The following MYO1C variants were observed in gnomAD, a reference collection of about 807,000 sequenced individuals.
MYO1C encodes unconventional myosin-Ic.
MYO1C carries 104 observed loss-of-function variants against 150.8 expected under a neutral mutation model. The ratio of observed to expected loss-of-function variants is 0.69; its 90% CI spans 0.59 to 0.81. The LOEUF (loss-of-function observed/expected upper bound fraction) is 0.81. Ranked by LOEUF, MYO1C falls within the 30% of genes least tolerant of loss-of-function variation. MYO1C has a pLI of 0.00. For missense variants in MYO1C, 1,504 were observed against 1,435.0 expected (o/e 1.05, Z -0.78); for synonymous variants, 663 against 579.9 (o/e 1.14, Z -2.06).
At chr17:1,485,807 C>T (rs533955734) in intron 1 of MYO1C, 9 of 672,514 alleles carry the variant, frequency 1.3e-5, no homozygotes, top group African/African-American at 3.9e-5. Flanking sequence ...GGGCCCGCCC[C>T]CCGCACCGCC....
At chr17:1,471,366 C>T (rs1052410599) in intron 19 of MYO1C, 30 bp from the exon 20 acceptor site, 63 of 1,597,442 alleles carry the variant, frequency 3.9e-5, no homozygotes, top group Non-Finnish European at 4.5e-5. Flanking sequence ...CGGCTCCCAC[C>T]CCAGTCAGCA....
intron 17 of MYO1C, among the ~76,000 whole-genome samples, chr17:1,472,793 A>C (rs1460003603): frequency 1.3e-5 from 2 of 152,138 alleles, no homozygotes; most frequent in Admixed American, 6.5e-5. Flanking sequence ...GCTGAGCTTT[A>C]AAGGATAAGG....
Position 1,470,341 on chromosome 17 carries a change from T to TG in MYO1C, c.2367-8dup, listed in dbSNP as rs1421638156. On this transcript the variant is annotated splice_region_variant and splice_polypyrimidine_tract_variant and intron_variant, in intron 23 of 31. Transcript: ENST00000648651. ...GACGAAGCCTCGGATGAGCCTGGGG[T>TG]GGGGGGCCAGACAGGGTTGGGGGTG... 5 of 905,220 alleles carry TG rather than the reference T, an allele frequency of 5.5e-6. No homozygotes were observed. Among genetic ancestry groups the TG allele is most frequent in the Non-Finnish European group, 6.1e-6 (4 of 658,294 alleles). The allele number at this position is 905,220 out of a possible 1,614,324, so 56.1% of individuals were successfully genotyped here.
rs138414939 is a variant in MYO1C, at chr17:1,471,132, G to A, written c.2151C>T (p.Ile717=). The change falls in exon 21 of 32, where the codon ATC becomes ATT. Residue 717 remains isoleucine (I), a synonymous_variant. Transcript: ENST00000648651. ...TGGCAAACAGGGTCTTGGGGAAGCGGATGAAGATCTTGGTCCTGGGAGAGC... is the reference window on the plus strand; with the variant it reads ...TGGCAAACAGGGTCTTGGGGAAGCGAATGAAGATCTTGGTCCTGGGAGAGC... ...EYKMGRTKIF[I]RFPKTLFATE... 4.0e-5 allele frequency: 64 copies of A among 1,614,046 alleles called. No individual in the cohort carries two copies. The African/African-American group carries it at 7.7e-4, about 20-fold the overall frequency.
chr17:1,471,567 C>A (rs1376664348), intron 19 of MYO1C, among the ~76,000 whole-genome samples: 1 of 152,216 alleles, frequency 6.6e-6, no homozygotes, highest in Non-Finnish European at 1.5e-5. Context: ...CCCCAGGCCC[C>A]CGACTCAGAA....
rs149016718 is a variant in MYO1C, at chr17:1,483,033, C to A, written c.374G>T (p.Arg125Leu). Residue 125 changes from arginine (R) to leucine (L), a missense_variant, in exon 4 of 32, where the codon CGA (arginine) becomes CTA (leucine). Physicochemically the swap from Arg to Leu is moderately radical, Grantham distance 102 (BLOSUM62 -2). Transcript: ENST00000648651. Reference protein sequence around the residue: ...HLFAVADTVYRALRTERRDQA... With the variant: ...HLFAVADTVYLALRTERRDQA... ...GTCCCGACGCTCCGTGCGCAGTGCT[C>A]GGTACACAGTGTCCGCCACGGCAAA... The A allele has an allele frequency of 3.7e-6, 6 of 1,610,782 alleles. No individual in the cohort carries two copies. The highest frequency in any genetic ancestry group is 2.2e-5 in the South Asian group (2 of 90,704).
Position 1,468,049 on chromosome 17 carries a change from G to A in MYO1C, c.2835C>T (p.Asn945=), listed in dbSNP as rs141221746. The change falls in exon 28 of 32, where the codon AAC becomes AAT. Residue 945 remains asparagine, a synonymous_variant. Transcript: ENST00000648651. ...PRSRQLLLTP[N]AVVIVEDAKV... is the part of the protein sequence containing the mutation. ...TGGCGTCCTCCACGATGACGACGGC[G>A]TTGGGCGTGAGCAGCAGCTGCCGGG... 2.4e-5 allele frequency: 39 copies of A among 1,613,248 alleles called. No homozygotes were observed. The highest frequency in any genetic ancestry group is 1.3e-4 in the African/African-American group (10 of 74,756).
chr17:1,464,807 A>C lies in MYO1C; in HGVS notation c.*919T>G, dbSNP rs2074137539. 7.4e-6 allele frequency: 1 copy of C among 135,290 alleles called. No homozygotes were observed. Among genetic ancestry groups the C allele is most frequent in the African/African-American group, 2.8e-5 (1 of 35,702 alleles). The allele number at this position is 135,290 out of a possible 1,614,324, so 8.4% of individuals were successfully genotyped here. ...AAACTGGGATGATGAGGACAGTAAA[A>C]GGGCGTTCTTTTTTTTTTTTTTTAA... On this transcript the variant is annotated 3_prime_UTR_variant, in exon 32 of 32. Coordinates refer to ENST00000648651, the MANE Select transcript of MYO1C (RefSeq NM_001080779.2).
Position 1,479,880 on chromosome 17 carries a change from T to G in MYO1C, c.907-175A>C, listed in dbSNP as rs2074482185. Among the ~76,000 whole-genome samples, 1 of 152,008 alleles carries G rather than the reference T, an allele frequency of 6.6e-6. No individual in the cohort carries two copies. Among genetic ancestry groups the G allele is most frequent in the South Asian group, 2.1e-4 (1 of 4,826 alleles). On this transcript the variant is annotated intron_variant, in intron 7 of 31. Coordinates refer to ENST00000648651, the MANE Select transcript of MYO1C (RefSeq NM_001080779.2). The surrounding 1 kb of genome is among the most constrained non-coding windows in gnomAD (Gnocchi z 4.2). The stretch of plus-strand genomic sequence containing the variant: ...CTGCGGGTGGGATGGGCACGGTGGC[T>G]GACGCCTGTAATCCCAGCACTTTGG...
At position 1,482,431 on chromosome 17, in the gene MYO1C, T is replaced by C. The variant is rs200515126; in HGVS notation, c.627+47A>G. ...GTACCCAGTAGGTGCTTCACACGTG[T>C]AGAGCCTACTGAATGGGAATCCTCA... On this transcript the variant is annotated intron_variant, in intron 5 of 31. Transcript: ENST00000648651. 4.0e-5 allele frequency: 60 copies of C among 1,518,916 alleles called. 1 individual carries two copies. The highest frequency in any genetic ancestry group is 2.5e-4 in the African/African-American group (18 of 73,184). The allele number at this position is 1,518,916 out of a possible 1,614,324, so 94.1% of individuals were successfully genotyped here.
intron 1 of MYO1C, chr17:1,485,464 C>A: frequency 7.4e-6 from 5 of 678,032 alleles, no homozygotes; most frequent in Non-Finnish European, 9.5e-6. Flanking sequence ...GCCCTCGGGT[C>A]AGGGGTCTCC....
rs779253108 is a variant in MYO1C, at chr17:1,479,517, C to A, written c.1021-15G>T. On this transcript the variant is annotated splice_polypyrimidine_tract_variant and intron_variant, in intron 8 of 31. Coordinates refer to ENST00000648651, the MANE Select transcript of MYO1C (RefSeq NM_001080779.2). This position sits in a 1 kb window ranked among gnomAD's most constrained non-coding sequence, Gnocchi z 4.2. ...ACGCTGAGGAGCTGCCAAGGGCAGGCGAGGACACGGTGAGGGTGCACCCCC... is the reference window on the plus strand; with the variant it reads ...ACGCTGAGGAGCTGCCAAGGGCAGGAGAGGACACGGTGAGGGTGCACCCCC... The A allele has an allele frequency of 3.3e-6, 5 of 1,514,226 alleles. No individual in the cohort carries two copies. The highest frequency in any genetic ancestry group is 4.5e-6 in the Non-Finnish European group (5 of 1,111,410). 93.8% of individuals were successfully genotyped at this position (1,514,226 alleles called of 1,614,324 possible).
Position 1,470,509 on chromosome 17 carries a change from G to C in MYO1C, c.2292C>G (p.Ile764Met). The change falls in exon 23 of 32, where the codon ATC becomes ATG. Residue 764 changes from isoleucine (I) to methionine (M), a missense_variant. Coordinates refer to ENST00000648651, the MANE Select transcript of MYO1C (RefSeq NM_001080779.2). ...FLRVKRSAIC[I>M]QSWWRGTLGR... ...CCAGTGTTCCACGCCACCACGACTGGATGCAGATGGCTGTCGTGGAGACCA... is the reference window on the plus strand; with the variant it reads ...CCAGTGTTCCACGCCACCACGACTGCATGCAGATGGCTGTCGTGGAGACCA... 6.4e-7 allele frequency: 1 copy of C among 1,552,688 alleles called. No homozygotes were observed.
chr17:1,467,766 ATT>A, intron 29 of MYO1C, 72 bp downstream of exon 29: 1 of 324,172 alleles, frequency 3.1e-6, no homozygotes, highest in Non-Finnish European at 5.7e-6. Flanking sequence ...CACACCCCCT[ATT>A]CCCCCATCCA....
At chr17:1,487,845 C>A (rs1374177632) in intron 1 of MYO1C, among the ~76,000 whole-genome samples, 1 of 152,302 alleles carries the variant, frequency 6.6e-6, no homozygotes, top group African/African-American at 2.4e-5. Context: ...CGCTTGAACC[C>A]GGGAGACGGA....
chr17:1,485,142 C>G, intron 1 of MYO1C: 1 of 1,206,506 alleles, frequency 8.3e-7, no homozygotes, highest in African/African-American at 1.6e-5. Context: ...CCAGCTGCCT[C>G]TGGGTCCTAC....
Position 1,465,723 on chromosome 17 carries a change from T to C in MYO1C, c.*3A>G, listed in dbSNP as rs769839215. On this transcript the variant is annotated 3_prime_UTR_variant, in exon 32 of 32. Coordinates refer to ENST00000648651, the MANE Select transcript of MYO1C (RefSeq NM_001080779.2). ...CGTTGGGAGGGTCCAGTGGGCGCCTTTATCACCGAGAATTCAGCCGTGGGG... is the reference window on the plus strand; with the variant it reads ...CGTTGGGAGGGTCCAGTGGGCGCCTCTATCACCGAGAATTCAGCCGTGGGG... 1.2e-5 allele frequency: 16 copies of C among 1,324,464 alleles called. 1 individual carries two copies. In the Admixed American group the frequency reaches 4.3e-4, roughly 35 times the overall value. 82.0% of individuals were successfully genotyped at this position (1,324,464 alleles called of 1,614,324 possible). A position where few individuals can be genotyped will look rare whatever the true frequency, so the allele number is the denominator to read the frequency against.
At position 1,471,101 on chromosome 17, in the gene MYO1C, C is replaced by T; in HGVS notation, c.2182G>A (p.Asp728Asn). The T allele has an allele frequency of 1.2e-6, 2 of 1,614,148 alleles. No homozygotes were observed. Among genetic ancestry groups the T allele is most frequent in the African/African-American group, 2.7e-5 (2 of 75,020 alleles). The change falls in exon 21 of 32, where the codon GAT becomes AAT. Residue 728 changes from aspartate to asparagine, a missense_variant. Asp to Asn is a conservative substitution (Grantham distance 23, BLOSUM62 1). Coordinates refer to ENST00000648651, the MANE Select transcript of MYO1C (RefSeq NM_001080779.2). ...RFPKTLFATE[D>N]ALEVRRQSLA... is the part of the protein sequence containing the mutation. Reference sequence around the variant, plus strand: ...CTCTGCCGCCGGACCTCCAGGGCATCCTCTGTGGCAAACAGGGTCTTGGGG... The same window carrying T: ...CTCTGCCGCCGGACCTCCAGGGCATTCTCTGTGGCAAACAGGGTCTTGGGG...
chr17:1,475,043 C>T lies in MYO1C; in HGVS notation c.1575-11G>A, dbSNP rs975285691. The T allele has an allele frequency of 2.6e-6, 4 of 1,550,954 alleles. No homozygotes were observed. The South Asian group carries it at 3.6e-5, about 14-fold the overall frequency. On this transcript the variant is annotated splice_polypyrimidine_tract_variant and intron_variant, in intron 14 of 31. Coordinates refer to ENST00000648651, the MANE Select transcript of MYO1C (RefSeq NM_001080779.2). The stretch of plus-strand genomic sequence containing the variant: ...TCAGCCAGCTTGTGCCTGGGGGTGA[C>T]AGGGAGGAAGCTGCAGATGGCTGCC...
Sources: gnomAD v4.1 joint callset for allele counts (sites outside exome capture counted in the v4.1 genomes callset) on GRCh38, gnomAD v4.1.1 for gene constraint, Gnocchi (gnomAD v3.1) non-coding constraint, MANE v1.5 for transcripts, NCBI Gene and HGNC (gene_info 2026-07-23, HGNC 2026-07-21) for gene names.